Variants in ARPP19 observed in about 807,000 individuals in gnomAD.
ARPP19 encodes the protein cAMP-regulated phosphoprotein 19.
In ARPP19, 8 loss-of-function variants were observed where a neutral mutation model predicts 12.0. That is an observed-to-expected ratio of 0.67 (90% CI 0.39 to 1.21). ARPP19 has a LOEUF of 1.21. Ranked by LOEUF, ARPP19 falls within the 50% of genes most tolerant of loss-of-function variation. ARPP19 has a pLI of 0.01. For synonymous variants in ARPP19, 47 were observed against 50.4 expected (o/e 0.93, Z 0.29); for missense variants, 102 against 136.3 (o/e 0.75, Z 1.25).
chr15:52,560,878 G>C (rs1031083739), intron 1 of ARPP19, among the ~76,000 whole-genome samples: 3 of 152,188 alleles, frequency 2.0e-5, no homozygotes, highest in African/African-American at 7.2e-5. Flanking sequence ...AGGGGCTCTA[G>C]TAGCAGCTAC....
At chr15:52,556,272 C>T (rs940112578) in intron 2 of ARPP19, among the ~76,000 whole-genome samples, 5 of 152,106 alleles carry the variant, frequency 3.3e-5, no homozygotes, top group African/African-American at 1.2e-4. Flanking sequence ...TTCAACAATT[C>T]TCTTCCGTAA....
intron 1 of ARPP19, among the ~76,000 whole-genome samples, chr15:52,558,008 A>T (rs146729734): frequency 1.0e-3 from 153 of 152,356 alleles, no homozygotes; most frequent in Non-Finnish European, 1.6e-3. Context: ...TCTTTAATAT[A>T]TCAAAAACCT....
chr15:52,550,507 G>A lies in ARPP19; in HGVS notation c.*1427C>T, dbSNP rs2141717335. 6.6e-6 allele frequency: 1 copy of A among 152,166 alleles called. No individual in the cohort carries two copies. Among genetic ancestry groups the A allele is most frequent in the South Asian group, 2.1e-4 (1 of 4,826 alleles). 9.4% of individuals were successfully genotyped at this position (152,166 alleles called of 1,614,324 possible). Reference sequence around the variant, plus strand: ...TTATTTAAACAATTGTAGAATATTAGTAATAATAAAGGATCAAGAATAGTT... The same window carrying A: ...TTATTTAAACAATTGTAGAATATTAATAATAATAAAGGATCAAGAATAGTT... On this transcript the variant is annotated 3_prime_UTR_variant, in exon 3 of 3. Transcript: ENST00000249822.
intron 1 of ARPP19, among the ~76,000 whole-genome samples, chr15:52,559,769 G>A (rs775370409): frequency 6.6e-6 from 1 of 152,206 alleles, no homozygotes; most frequent in African/African-American, 2.4e-5. Context: ...GATATCTACT[G>A]CAGCCCAAGG....
At chr15:52,552,207 T>C in intron 2 of ARPP19, 103 bp from the exon 3 acceptor site, 1 of 671,654 alleles carries the variant, frequency 1.5e-6, no homozygotes, top group Non-Finnish European at 2.6e-6. Context: ...TCTAAAAGAA[T>C]TTAAACAGGA....
chr15:52,566,129 C>T (rs2078079892), intron 1 of ARPP19, among the ~76,000 whole-genome samples: 4 of 152,018 alleles, frequency 2.6e-5, no homozygotes, highest in Admixed American at 2.6e-4. Context: ...GCTGGGATTA[C>T]AGGTGTGAGC....
intron 1 of ARPP19, among the ~76,000 whole-genome samples, chr15:52,566,456 C>T (rs557693582): frequency 1.3e-5 from 2 of 152,090 alleles, no homozygotes; most frequent in Admixed American, 6.5e-5. Flanking sequence ...ACAGCACAGG[C>T]CTTTTAAATT....
chr15:52,552,322 C>T (rs992617357), intron 2 of ARPP19, among the ~76,000 whole-genome samples: 16 of 152,046 alleles, frequency 1.1e-4, no homozygotes, highest in Non-Finnish European at 2.9e-5. Flanking sequence ...GAAATCCCAA[C>T]ACTTTGGGAG....
chr15:52,555,280 TAC>T (rs2077971218), intron 2 of ARPP19, among the ~76,000 whole-genome samples: 1 of 152,066 alleles, frequency 6.6e-6, no homozygotes, highest in South Asian at 2.1e-4. Flanking sequence ...AGAGAAAAAT[TAC>T]AGTGACAATT....
chr15:52,561,197 C>T (rs1307468897), intron 1 of ARPP19, among the ~76,000 whole-genome samples: 2 of 152,134 alleles, frequency 1.3e-5, no homozygotes. Flanking sequence ...TTCTGGACCT[C>T]AAGGGAATTC....
chr15:52,553,172 G>T (rs2077951836), intron 2 of ARPP19, among the ~76,000 whole-genome samples: 1 of 152,106 alleles, frequency 6.6e-6, no homozygotes, highest in South Asian at 2.1e-4. Flanking sequence ...GTTTCTGCAA[G>T]AATTTAAATC....
chr15:52,555,272 AG>A (rs373190060), intron 2 of ARPP19, among the ~76,000 whole-genome samples: 4 of 152,096 alleles, frequency 2.6e-5, no homozygotes, highest in Admixed American at 1.3e-4. Context: ...TTCAAGCTAG[AG>A]AAAAATTACA....
chr15:52,550,339 A>C lies in ARPP19; in HGVS notation c.*1595T>G, dbSNP rs1336944054. 3 of 152,212 alleles carry C rather than the reference A, an allele frequency of 2.0e-5. No homozygotes were observed. The East Asian group carries it at 5.8e-4, about 29-fold the overall frequency. The allele number at this position is 152,212 out of a possible 1,614,324, so 9.4% of individuals were successfully genotyped here. On this transcript the variant is annotated 3_prime_UTR_variant, in exon 3 of 3. Coordinates refer to ENST00000249822, the MANE Select transcript of ARPP19 (RefSeq NM_006628.6). ...TCTAAACATTTTTAATAGGAGTTTT[A>C]CCTGTCATGTAAATTACTCTAATTG...
intron 1 of ARPP19, among the ~76,000 whole-genome samples, chr15:52,559,672 T>C (rs1248873566): frequency 6.6e-6 from 1 of 152,130 alleles, no homozygotes; most frequent in African/African-American, 2.4e-5. Context: ...GCCAGAGAAA[T>C]AAACATAAAT....
In ARPP19 at chr15:52,551,606, A is replaced by G. The variant is rs561420870; in HGVS notation, c.*328T>C. 1.0e-5 allele frequency: 2 copies of G among 196,576 alleles called. No individual in the cohort carries two copies. The highest frequency in any genetic ancestry group is 2.3e-5 in the African/African-American group (1 of 42,844). 12.2% of individuals were successfully genotyped at this position (196,576 alleles called of 1,614,324 possible). ...AGAGTAACATACAAAGCTATAATTA[A>G]GATGAAGTAATGAAAGCCAAAACAT... On this transcript the variant is annotated 3_prime_UTR_variant, in exon 3 of 3. Transcript: ENST00000249822.
chr15:52,552,819 C>T (rs2077947588), intron 2 of ARPP19, among the ~76,000 whole-genome samples: 1 of 152,042 alleles, frequency 6.6e-6, no homozygotes. Context: ...CCTGTAATCC[C>T]AGCACTTTGG....
intron 2 of ARPP19, among the ~76,000 whole-genome samples, chr15:52,552,570 A>T (rs1368674681): frequency 7.2e-6 from 1 of 137,946 alleles, no homozygotes; most frequent in South Asian, 2.5e-4. Flanking sequence ...CCTGGGCAAC[A>T]GAGACTGTCT....
intron 1 of ARPP19, among the ~76,000 whole-genome samples, chr15:52,561,874 G>A (rs1162937374): frequency 1.3e-5 from 2 of 150,928 alleles, no homozygotes; most frequent in Non-Finnish European, 2.9e-5. Context: ...AGGGTGGGTG[G>A]TGGTGGTAAC....
Position 52,552,093 on chromosome 15 carries a change from A to C in ARPP19, c.180T>G (p.Phe60Leu). Reference sequence around the variant, plus strand: ...TAGCCATGTTGTAATCCCCAGAATCAAAATATTTTTGCTATAAGTAAAAAC... The same window carrying C: ...TAGCCATGTTGTAATCCCCAGAATCCAAATATTTTTGCTATAAGTAAAAAC... ...RKRLQKGQKYFDSGDYNMAKA... is the reference protein window; with the variant it reads ...RKRLQKGQKYLDSGDYNMAKA... Residue 60 changes from phenylalanine (F) to leucine (L), a missense_variant, in exon 3 of 3, where the codon TTT (phenylalanine) becomes TTG (leucine). Coordinates refer to ENST00000249822, the MANE Select transcript of ARPP19 (RefSeq NM_006628.6). 6.2e-7 allele frequency: 1 copy of C among 1,612,018 alleles called. No homozygotes were observed. Among genetic ancestry groups the C allele is most frequent in the South Asian group, 1.1e-5 (1 of 90,990 alleles).
Sources: allele counts gnomAD v4.1 joint callset (sites outside exome capture counted in the v4.1 genomes callset), GRCh38; gene constraint gnomAD v4.1.1; transcripts MANE v1.5; gene names NCBI Gene and HGNC (gene_info 2026-07-23, HGNC 2026-07-21).